The following ADGRG3 variants were observed in gnomAD, a reference collection of about 807,000 sequenced individuals.
ADGRG3 encodes G protein-coupled receptor 97.
In ADGRG3, 39 loss-of-function variants were observed where a neutral mutation model predicts 54.3. That is an observed-to-expected ratio of 0.72 (90% CI 0.56 to 0.94). ADGRG3 has a LOEUF of 0.94. ADGRG3 is among the 40% of genes least tolerant of loss of function. The pLI, the probability that ADGRG3 is intolerant of heterozygous loss-of-function variation, is 0.00. For missense variants in ADGRG3, 654 were observed against 694.6 expected (o/e 0.94, Z 0.66); for synonymous variants, 312 against 290.0 (o/e 1.08, Z -0.77).
chr16:57,673,493 G>T (rs749795467), intron 2 of ADGRG3, 25 bp downstream of exon 2: 2 of 1,585,434 alleles, frequency 1.3e-6, no homozygotes, highest in East Asian at 4.5e-5. Flanking sequence ...TGAGCTGGAG[G>T]GGGAATCTGA....
intron 2 of ADGRG3, chr16:57,674,742 G>T: frequency 4.1e-6 from 1 of 243,058 alleles, no homozygotes; most frequent in Non-Finnish European, 8.7e-6. Flanking sequence ...CTAGCACTTT[G>T]GGAGGCCGAG....
chr16:57,682,962 G>GGA (rs1174014453), intron 8 of ADGRG3, among the ~76,000 whole-genome samples: 2 of 152,228 alleles, frequency 1.3e-5, no homozygotes, highest in Non-Finnish European at 1.5e-5. Context: ...AAAGACCCGA[G>GGA]GAGAGAGAGG....
intron 3 of ADGRG3, among the ~76,000 whole-genome samples, chr16:57,677,636 G>A (rs1157655186): frequency 4.6e-5 from 7 of 152,174 alleles, no homozygotes; most frequent in Non-Finnish European, 2.9e-5. Context: ...ATATTCTGAC[G>A]ATTCTTTGTT....
intron 5 of ADGRG3, 123 bp downstream of exon 5, chr16:57,679,434 G>C: frequency 8.9e-7 from 1 of 1,127,948 alleles, no homozygotes; most frequent in East Asian, 2.4e-5. Flanking sequence ...AGTCGCCCAG[G>C]AGGAGCCATT....
At chr16:57,682,557 C>T (rs2048393727) in intron 8 of ADGRG3, 1 of 985,438 alleles carries the variant, frequency 1.0e-6, no homozygotes, top group African/African-American at 1.7e-5. Context: ...TTGCTGGACC[C>T]TGTGAGCGGG....
At chr16:57,686,715 T>G (rs2048479930) in intron 11 of ADGRG3, 1 of 152,218 alleles carries the variant, frequency 6.6e-6, no homozygotes, top group African/African-American at 2.4e-5. Flanking sequence ...TACCTGACCT[T>G]GCAAGTTGGG....
chr16:57,685,537 A>G (rs2048457382), intron 10 of ADGRG3, 106 bp from the exon 11 acceptor site: 1 of 1,102,674 alleles, frequency 9.1e-7, no homozygotes, highest in African/African-American at 1.5e-5. Flanking sequence ...ATGGGTGGAA[A>G]TGGGAGAGGC....
In ADGRG3 at chr16:57,685,815, C is replaced by T; in HGVS notation, c.1429C>T (p.Leu477Phe). ...GCGGGGGAAGAACCGGAAGAAGGTG[C>T]TCACCCTGCTGGGCCTCTCGAGCCT... is the stretch of plus-strand genomic sequence containing the variant. ...KERGKNRKKV[L>F]TLLGLSSLVG... The change falls in exon 11 of 12, where the codon CTC (leucine) becomes TTC (phenylalanine). Residue 477 changes from leucine to phenylalanine, a missense_variant. Coordinates refer to ENST00000333493, the MANE Select transcript of ADGRG3 (RefSeq NM_170776.5). The T allele has an allele frequency of 6.2e-7, 1 of 1,614,222 alleles. No homozygotes were observed. Among genetic ancestry groups the T allele is most frequent in the Non-Finnish European group, 8.5e-7 (1 of 1,180,036 alleles).
At chr16:57,678,398 C>A (rs1431637735) in intron 4 of ADGRG3, 82 bp downstream of exon 4, 2 of 1,414,152 alleles carry the variant, frequency 1.4e-6, no homozygotes, top group Non-Finnish European at 2.0e-6. Flanking sequence ...CTGGAGCCTG[C>A]CGAGGGATCC....
intron 4 of ADGRG3, 76 bp from the exon 5 acceptor site, chr16:57,679,101 C>T (rs2048316232): frequency 1.7e-5 from 27 of 1,562,622 alleles, no homozygotes; most frequent in Non-Finnish European, 2.4e-5. Context: ...TTCCTGGAGG[C>T]TCCTAGGAAC....
intron 1 of ADGRG3, among the ~76,000 whole-genome samples, chr16:57,670,600 A>G (rs1049720080): frequency 1.6e-4 from 24 of 151,956 alleles, no homozygotes; most frequent in Non-Finnish European, 3.1e-4. Flanking sequence ...AAAAGCCAAC[A>G]TAGATCATAC....
intron 11 of ADGRG3, among the ~76,000 whole-genome samples, chr16:57,686,236 G>A (rs1188218397): frequency 1.3e-5 from 2 of 152,188 alleles, no homozygotes; most frequent in African/African-American, 4.8e-5. Flanking sequence ...TCCTGGTGAG[G>A]CCTCAGGAAG....
At position 57,679,292 on chromosome 16, in the gene ADGRG3, C is replaced by T; in HGVS notation, c.608C>T (p.Ser203Phe). 1 of 1,613,968 alleles carries T rather than the reference C, an allele frequency of 6.2e-7. No homozygotes were observed. The highest frequency in any genetic ancestry group is 8.5e-7 in the Non-Finnish European group (1 of 1,179,934). The change falls in exon 5 of 12, where the codon TCT becomes TTT. Residue 203 changes from serine (S) to phenylalanine (F), a missense_variant. Ser to Phe is a radical substitution (Grantham distance 155). Transcript: ENST00000333493. ...KLAEPLEIVF[S>F]HQRPPPNMTL... ...GCTGAGCCTCTGGAGATCGTCTTCT[C>T]TCACCAGCGACCGCCCCCTGTGAGT...
At chr16:57,687,864 C>A (rs1372923764) in intron 11 of ADGRG3, among the ~76,000 whole-genome samples, 1 of 152,242 alleles carries the variant, frequency 6.6e-6, no homozygotes, top group East Asian at 1.9e-4. Context: ...TCCAATACAA[C>A]AGAGCCCTTG....
At chr16:57,679,398 T>C in intron 5 of ADGRG3, 87 bp downstream of exon 5, 1 of 1,387,896 alleles carries the variant, frequency 7.2e-7, no homozygotes, top group Non-Finnish European at 1.0e-6. Context: ...CATGGGACAC[T>C]ACATATCTGT....
Position 57,688,422 on chromosome 16 carries a change from T to C in ADGRG3, c.1611T>C (p.Thr537=). 2 of 1,613,020 alleles carry C rather than the reference T, an allele frequency of 1.2e-6. No homozygotes were observed. The highest frequency in any genetic ancestry group is 1.1e-5 in the South Asian group (1 of 91,058). The change falls in exon 12 of 12, where the codon ACT becomes ACC. Residue 537 remains threonine, a synonymous_variant. Coordinates refer to ENST00000333493, the MANE Select transcript of ADGRG3 (RefSeq NM_170776.5). ...PSQSTTVSSS[T]ARLDQAHSAS... is the part of the protein sequence containing the mutation. ...AGAGCACCACAGTCTCCTCCTCTAC[T>C]GCAAGATTGGACCAGGCCCACTCCG... is the stretch of plus-strand genomic sequence containing the variant.
chr16:57,673,224 A>G, intron 1 of ADGRG3, 97 bp from the exon 2 acceptor site: 1 of 1,209,002 alleles, frequency 8.3e-7, no homozygotes, highest in African/African-American at 1.5e-5. Context: ...TTCTAGCCCA[A>G]CCACCAGACT....
intron 2 of ADGRG3, among the ~76,000 whole-genome samples, chr16:57,674,088 G>T (rs574055421): frequency 6.6e-6 from 1 of 152,094 alleles, no homozygotes; most frequent in African/African-American, 2.4e-5. Context: ...TATTTTAAGC[G>T]CAGGGAGAGT....
chr16:57,681,379 C>T (rs9941252), intron 8 of ADGRG3, among the ~76,000 whole-genome samples: 11,322 of 76,606 alleles, frequency 0.15, 1,061 homozygotes, highest in African/African-American at 0.34. Flanking sequence ...TGTGTGTGCG[C>T]GCGTGCGTGC....
Sources: allele counts gnomAD v4.1 joint callset (sites outside exome capture counted in the v4.1 genomes callset), GRCh38; gene constraint gnomAD v4.1.1; transcripts MANE v1.5; gene names NCBI Gene and HGNC (gene_info 2026-07-23, HGNC 2026-07-21).